The following GRM7 variants were observed in gnomAD, a reference collection of about 807,000 sequenced individuals.
The protein encoded by GRM7 is glutamate metabotropic receptor 7.
A neutral mutation model predicts 84.5 loss-of-function variants in GRM7; 35 were observed. The ratio of observed to expected loss-of-function variants is 0.41; its 90% CI spans 0.32 to 0.55. The LOEUF is 0.55. Ranked by LOEUF, GRM7 falls within the 20% of genes least tolerant of loss-of-function variation. The probability of loss-of-function intolerance (pLI) is 0.19; values close to 1 mark genes in which losing one functional copy is unlikely to be tolerated. For missense variants in GRM7, 1,003 were observed against 1,194.6 expected, an observed-to-expected ratio of 0.84 and a Z score of 2.36; for synonymous variants, 487 against 455.1, an observed-to-expected ratio of 1.07 and a Z score of -0.89.
chr3:7,557,229 T>C (rs528288243), intron 7 of GRM7, among the ~76,000 whole-genome samples: 1 of 151,944 alleles, frequency 6.6e-6, no homozygotes, highest in South Asian at 2.1e-4. Flanking sequence ...AAAGGAGAAA[T>C]GTAGGTGGCT....
At chr3:7,591,152 G>A (rs998429692) in intron 8 of GRM7, among the ~76,000 whole-genome samples, 13 of 152,132 alleles carry the variant, frequency 8.5e-5, no homozygotes, top group African/African-American at 1.7e-4. Context: ...AGCCTTGAGC[G>A]AGATCAATCT....
At chr3:7,190,672 G>C (rs903447917) in intron 2 of GRM7, among the ~76,000 whole-genome samples, 1 of 152,064 alleles carries the variant, frequency 6.6e-6, no homozygotes, top group East Asian at 1.9e-4. Flanking sequence ...TTACTGTTTT[G>C]GGACTGTCCT....
At chr3:7,304,325 C>A (rs1480126084) in intron 3 of GRM7, among the ~76,000 whole-genome samples, 1 of 69,618 alleles carries the variant, frequency 1.4e-5, no homozygotes, top group Non-Finnish European at 3.6e-5. Flanking sequence ...TTTTTTTTTG[C>A]CTCTTGAGAG....
chr3:7,180,372 C>T (rs1325622496), intron 2 of GRM7, among the ~76,000 whole-genome samples: 3 of 152,162 alleles, frequency 2.0e-5, no homozygotes, highest in African/African-American at 7.2e-5. Flanking sequence ...ATACTTCTTA[C>T]ATCTCTCACT....
At chr3:7,388,280 G>A (rs980875534) in intron 4 of GRM7, among the ~76,000 whole-genome samples, 3 of 151,978 alleles carry the variant, frequency 2.0e-5, no homozygotes, top group African/African-American at 7.2e-5. Context: ...GATGCCTTTT[G>A]TTTCTTTCTC....
At position 7,159,017 on chromosome 3, in the gene GRM7, T is replaced by C. The variant is rs1013980189; in HGVS notation, c.736+12349T>C. ...TTGAGCTTGTTAAAGCAAGACCTAA[T>C]GTAATTATGTTTTAAAATTGAAGCT... On this transcript the variant is annotated intron_variant, in intron 2 of 9. Transcript: ENST00000357716. Among the ~76,000 whole-genome samples the C allele has an allele frequency of 2.2e-4, 34 of 152,306 alleles. 3 individuals carry two copies. Among genetic ancestry groups the C allele is most frequent in the Admixed American group, 1.3e-3 (20 of 15,292 alleles).
At chr3:7,391,363 G>A in intron 4 of GRM7, among the ~76,000 whole-genome samples, 1 of 152,106 alleles carries the variant, frequency 6.6e-6, no homozygotes, top group Non-Finnish European at 1.5e-5. Context: ...TACACACCAT[G>A]GAATACTATG....
chr3:7,383,611 A>G (rs1694673117), intron 4 of GRM7, among the ~76,000 whole-genome samples: 1 of 152,180 alleles, frequency 6.6e-6, no homozygotes, highest in Admixed American at 6.5e-5. Flanking sequence ...TAACATTGAG[A>G]TACACCATTA....
At chr3:7,082,307 A>G (rs990047197) in intron 1 of GRM7, among the ~76,000 whole-genome samples, 4 of 152,114 alleles carry the variant, frequency 2.6e-5, no homozygotes, top group Non-Finnish European at 4.4e-5. Flanking sequence ...ATTATGATTA[A>G]TCTACTCTGT....
chr3:7,452,381 A>G (rs908907159), intron 5 of GRM7, among the ~76,000 whole-genome samples: 1 of 152,210 alleles, frequency 6.6e-6, no homozygotes, highest in East Asian at 1.9e-4. Context: ...AAGGTGTCAC[A>G]AAGTAAAATA....
intron 8 of GRM7, among the ~76,000 whole-genome samples, chr3:7,617,855 A>G (rs1354782211): frequency 1.3e-5 from 2 of 152,116 alleles, no homozygotes; most frequent in Admixed American, 6.6e-5. Context: ...GTCAATCAAA[A>G]CAATTTCAAC....
At chr3:7,422,467 G>A (rs978348535) in intron 5 of GRM7, among the ~76,000 whole-genome samples, 8 of 152,196 alleles carry the variant, frequency 5.3e-5, no homozygotes, top group East Asian at 1.9e-4. Flanking sequence ...TGTACTGACC[G>A]GCTCTGCAGA....
At chr3:7,446,997 T>G (rs1018111162) in intron 5 of GRM7, among the ~76,000 whole-genome samples, 275 of 65,292 alleles carry the variant, frequency 4.2e-3, no homozygotes, top group Middle Eastern at 0.041. Flanking sequence ...CAACTGACAA[T>G]TTATTCAACA....
intron 1 of GRM7, among the ~76,000 whole-genome samples, chr3:7,143,309 C>T (rs6443092): frequency 0.57 from 87,308 of 151,904 alleles, 26,922 homozygotes; most frequent in African/African-American, 0.81. Flanking sequence ...TCATTTTTCA[C>T]AGGTTACATA....
At chr3:7,418,929 A>G (rs1243186980) in intron 5 of GRM7, among the ~76,000 whole-genome samples, 2 of 152,208 alleles carry the variant, frequency 1.3e-5, no homozygotes, top group African/African-American at 4.8e-5. Context: ...TGAAGTGAGA[A>G]TAGTAAAACC....
intron 1 of GRM7, among the ~76,000 whole-genome samples, chr3:6,945,182 A>C (rs1698021026): frequency 6.6e-6 from 1 of 151,984 alleles, no homozygotes; most frequent in African/African-American, 2.4e-5. Context: ...ATTTAGCATT[A>C]GTTATATCTC....
chr3:6,964,805 G>A (rs1421146232), intron 1 of GRM7, among the ~76,000 whole-genome samples: 1 of 152,108 alleles, frequency 6.6e-6, no homozygotes, highest in African/African-American at 2.4e-5. Flanking sequence ...TGTACCAGCT[G>A]CCCCTCCAGA....
chr3:7,251,808 T>G (rs1697997553), intron 2 of GRM7, among the ~76,000 whole-genome samples: 1 of 152,256 alleles, frequency 6.6e-6, no homozygotes, highest in African/African-American at 2.4e-5. Context: ...AACTGGGATT[T>G]AAGGTATTTA....
At chr3:7,517,683 A>G (rs949099101) in intron 7 of GRM7, among the ~76,000 whole-genome samples, 2 of 152,136 alleles carry the variant, frequency 1.3e-5, no homozygotes, top group Non-Finnish European at 2.9e-5. Context: ...ATGAGCCACC[A>G]TGCTTCCCTA....
Sources: allele counts gnomAD v4.1 joint callset (sites outside exome capture counted in the v4.1 genomes callset), GRCh38; gene constraint gnomAD v4.1.1; transcripts MANE v1.5; gene names NCBI Gene and HGNC (gene_info 2026-07-23, HGNC 2026-07-21).